Variants in ATP6V1E1 observed in about 807,000 individuals in gnomAD.
ATP6V1E1 encodes V-type proton ATPase subunit E 1.
Under a neutral mutation model 35.2 loss-of-function variants are expected in ATP6V1E1, and 21 were observed. The observed-to-expected ratio is 0.60, with a 90% CI of 0.42 to 0.86. The LOEUF is 0.86. ATP6V1E1 is among the 40% of genes least tolerant of loss of function. The pLI, the probability that ATP6V1E1 is intolerant of heterozygous loss-of-function variation, is 0.00. For missense variants in ATP6V1E1, 183 were observed against 272.6 expected, an observed-to-expected ratio of 0.67 and a Z score of 2.32; for synonymous variants, 83 against 87.8, an observed-to-expected ratio of 0.95 and a Z score of 0.30.
chr22:17,605,534 AAG>A (rs2057782340), intron 4 of ATP6V1E1, among the ~76,000 whole-genome samples: 1 of 152,116 alleles, frequency 6.6e-6, no homozygotes, highest in African/African-American at 2.4e-5. Flanking sequence ...CCGTCTCAAA[AAG>A]AAAAAGAAAA....
intron 8 of ATP6V1E1, 68 bp downstream of exon 8, chr22:17,594,461 G>A: frequency 8.3e-7 from 1 of 1,208,122 alleles, no homozygotes; most frequent in South Asian, 1.7e-5. Context: ...CCAGTGAATG[G>A]ACACGTGTTC....
At chr22:17,626,601 GCCTCACCATAA>G (rs1456738006) in intron 1 of ATP6V1E1, among the ~76,000 whole-genome samples, 2 of 149,148 alleles carry the variant, frequency 1.3e-5, no homozygotes, top group Admixed American at 1.4e-4. Context: ...GTGTGATCTC[GCCTCACCATAA>G]CCTCCACCTC....
In ATP6V1E1 at chr22:17,599,648, G is replaced by A. The variant is rs539490941; in HGVS notation, c.435+379C>T. Reference sequence around the variant, plus strand: ...GAAGTGGGTTTTTACGGCCAGGCGCGGTGGCTCATGCCTGTAATCCCAGCA... The same window carrying A: ...GAAGTGGGTTTTTACGGCCAGGCGCAGTGGCTCATGCCTGTAATCCCAGCA... On this transcript the variant is annotated intron_variant, in intron 6 of 8. Transcript: ENST00000253413. Among the ~76,000 whole-genome samples the A allele has an allele frequency of 2.3e-4, 35 of 150,434 alleles. No homozygotes were observed. The East Asian group carries it at 2.8e-3, about 12-fold the overall frequency.
Position 17,592,272 on chromosome 22 carries a change from C to T in ATP6V1E1, c.*402G>A, listed in dbSNP as rs553171199. The T allele has an allele frequency of 8.8e-5, 16 of 181,578 alleles. No individual in the cohort carries two copies. Among genetic ancestry groups the T allele is most frequent in the African/African-American group, 3.5e-4 (15 of 42,512 alleles). 11.2% of individuals were successfully genotyped at this position (181,578 alleles called of 1,614,324 possible). ...TAGGCCTAAACAGGTAACAGTAAAG[C>T]GACTACTGCTGGAAGGAGTGGTGTG... On this transcript the variant is annotated 3_prime_UTR_variant, in exon 9 of 9. Coordinates refer to ENST00000253413, the MANE Select transcript of ATP6V1E1 (RefSeq NM_001696.4).
chr22:17,600,080 G>A lies in ATP6V1E1; in HGVS notation c.382C>T (p.Leu128=). 2 of 1,613,804 alleles carry A rather than the reference G, an allele frequency of 1.2e-6. No individual in the cohort carries two copies. Among genetic ancestry groups the A allele is most frequent in the Non-Finnish European group, 1.7e-6 (2 of 1,179,772 alleles). The change falls in exon 6 of 9, where the codon CTG becomes TTG. Residue 128 remains leucine (L), a synonymous_variant. Coordinates refer to ENST00000253413, the MANE Select transcript of ATP6V1E1 (RefSeq NM_001696.4). ...GLVLQGLYQL[L]EPRMIVRCRK... The stretch of plus-strand genomic sequence containing the variant: ...CAACGAACAATCATTCGGGGCTCCA[G>A]CAACTGGTACAAACCCTGGAAGAAA...
intron 4 of ATP6V1E1, among the ~76,000 whole-genome samples, chr22:17,608,140 AG>A: frequency 6.6e-6 from 1 of 152,276 alleles, no homozygotes; most frequent in Middle Eastern, 3.4e-3. Flanking sequence ...AGACTCCTAG[AG>A]GGGCCAGCAC....
At chr22:17,595,708 C>T (rs2057728373) in intron 7 of ATP6V1E1, among the ~76,000 whole-genome samples, 1 of 152,058 alleles carries the variant, frequency 6.6e-6, no homozygotes, top group African/African-American at 2.4e-5. Flanking sequence ...GTAGTCCCAG[C>T]TACTTGAGAG....
At chr22:17,611,910 A>C (rs2057817421) in intron 4 of ATP6V1E1, among the ~76,000 whole-genome samples, 1 of 152,154 alleles carries the variant, frequency 6.6e-6, no homozygotes. Flanking sequence ...CTATATTTTT[A>C]GTTTTATAGC....
chr22:17,594,073 G>A (rs549788365), intron 8 of ATP6V1E1, among the ~76,000 whole-genome samples: 19 of 152,200 alleles, frequency 1.2e-4, no homozygotes, highest in South Asian at 1.2e-3. Flanking sequence ...GTGGTGGCAG[G>A]TGCCTGTAAT....
At chr22:17,606,131 CACAG>C (rs2057785926) in intron 4 of ATP6V1E1, among the ~76,000 whole-genome samples, 1 of 152,140 alleles carries the variant, frequency 6.6e-6, no homozygotes, top group African/African-American at 2.4e-5. Context: ...AAAGGATCAA[CACAG>C]ACAAATATCT....
At chr22:17,620,030 C>T (rs997037084) in intron 1 of ATP6V1E1, among the ~76,000 whole-genome samples, 1 of 152,188 alleles carries the variant, frequency 6.6e-6, no homozygotes, top group African/African-American at 2.4e-5. Flanking sequence ...CTCACTTGCA[C>T]CCTTCTCTGT....
At chr22:17,593,032 C>T (rs191347537) in intron 8 of ATP6V1E1, among the ~76,000 whole-genome samples, 3 of 152,238 alleles carry the variant, frequency 2.0e-5, no homozygotes, top group African/African-American at 7.2e-5. Flanking sequence ...TCGTGATCCA[C>T]CCGCCTCGGC....
chr22:17,601,890 A>G (rs1005578459), intron 4 of ATP6V1E1, among the ~76,000 whole-genome samples: 1 of 146,656 alleles, frequency 6.8e-6, no homozygotes. Context: ...TACAGGCATG[A>G]GCCACCGCCC....
intron 6 of ATP6V1E1, 57 bp downstream of exon 6, chr22:17,599,970 G>T: frequency 8.5e-7 from 1 of 1,170,002 alleles, no homozygotes; most frequent in Non-Finnish European, 1.2e-6. Flanking sequence ...AGAGAGAGGG[G>T]AAGGAAGAAA....
intron 2 of ATP6V1E1, among the ~76,000 whole-genome samples, chr22:17,617,802 TTTTA>T (rs1256362080): frequency 6.6e-6 from 1 of 152,004 alleles, no homozygotes; most frequent in African/African-American, 2.4e-5. Context: ...CTTCCAAACT[TTTTA>T]TTTTTTATTT....
intron 3 of ATP6V1E1, 27 bp from the exon 4 acceptor site, chr22:17,612,905 T>C (rs767002866): frequency 1.3e-6 from 2 of 1,585,246 alleles, no homozygotes; most frequent in South Asian, 2.3e-5. Flanking sequence ...AAAAATAGCA[T>C]TAGTAACAAC....
At chr22:17,602,757 C>A (rs968253248) in intron 4 of ATP6V1E1, among the ~76,000 whole-genome samples, 1 of 152,190 alleles carries the variant, frequency 6.6e-6, no homozygotes, top group Non-Finnish European at 1.5e-5. Context: ...ACTTTTAACA[C>A]TTAAACATTA....
chr22:17,598,299 A>G lies in ATP6V1E1; in HGVS notation c.436-11T>C. ...CTTCTGCACTGCAGCCTGGAAGTAT[A>G]GAACACAATGAGAGGTGTCACTAGG... On this transcript the variant is annotated splice_polypyrimidine_tract_variant and intron_variant, in intron 6 of 8. Transcript: ENST00000253413. The G allele has an allele frequency of 6.2e-7, 1 of 1,601,406 alleles. No homozygotes were observed. The highest frequency in any genetic ancestry group is 8.6e-7 in the Non-Finnish European group (1 of 1,168,526).
At chr22:17,607,377 C>A (rs918922683) in intron 4 of ATP6V1E1, among the ~76,000 whole-genome samples, 2 of 152,018 alleles carry the variant, frequency 1.3e-5, no homozygotes, top group Non-Finnish European at 2.9e-5. Context: ...AGGATGATCT[C>A]GATCTCCTGA....
Sources: allele counts gnomAD v4.1 joint callset (sites outside exome capture counted in the v4.1 genomes callset), GRCh38; gene constraint gnomAD v4.1.1; transcripts MANE v1.5; gene names NCBI Gene and HGNC (gene_info 2026-07-23, HGNC 2026-07-21).